USP48: variants seen among roughly 807,000 people sequenced by gnomAD.
The protein encoded by USP48 is ubiquitin specific peptidase 48, also known as ubiquitin carboxyl-terminal hydrolase 48.
USP48 carries 43 observed loss-of-function variants against 150.7 expected under a neutral mutation model. That is an observed-to-expected ratio of 0.29 (90% CI 0.22 to 0.37). The LOEUF (loss-of-function observed/expected upper bound fraction) is 0.37. Ranked by LOEUF, USP48 falls within the 10% of genes least tolerant of loss-of-function variation. The pLI is 1.00. For synonymous variants in USP48, 396 were observed against 425.9 expected, an observed-to-expected ratio of 0.93 and a Z score of 0.86; for missense variants, 813 against 1,249.6, an observed-to-expected ratio of 0.65 and a Z score of 5.27.
chr1:21,702,886 T>C (rs990255882), intron 21 of USP48, among the ~76,000 whole-genome samples: 2 of 152,236 alleles, frequency 1.3e-5, no homozygotes, highest in Non-Finnish European at 2.9e-5. Context: ...GCAGCACAGA[T>C]ACAGAACCTA....
intron 15 of USP48, among the ~76,000 whole-genome samples, chr1:21,708,690 T>G (rs2097680603): frequency 1.3e-5 from 2 of 151,592 alleles, no homozygotes; most frequent in Non-Finnish European, 2.9e-5. Flanking sequence ...AAGACCAGCT[T>G]GACCAAAATG....
Position 21,756,527 on chromosome 1 carries a change from C to A in USP48, c.412+19G>T. 2 of 1,571,578 alleles carry A rather than the reference C, an allele frequency of 1.3e-6. No individual in the cohort carries two copies. Among genetic ancestry groups the A allele is most frequent in the South Asian group, 1.2e-5 (1 of 83,904 alleles). On this transcript the variant is annotated intron_variant, in intron 3 of 26. Transcript: ENST00000308271. ...AAAATGTTCAGGAAGAGAGCTCTCC[C>A]CCACCCCTTTCCACCCACCTTTTTC...
At chr1:21,715,497 T>C (rs984438277) in intron 14 of USP48, 40 bp from the exon 15 acceptor site, 3 of 1,369,390 alleles carry the variant, frequency 2.2e-6, no homozygotes, top group Non-Finnish European at 3.1e-6. Flanking sequence ...CTGTGGTTAT[T>C]GTGTACTTAA....
chr1:21,714,052 G>C (rs115572196), intron 15 of USP48, among the ~76,000 whole-genome samples: 2,359 of 152,162 alleles, frequency 0.016, 26 homozygotes, highest in Middle Eastern at 0.031. Context: ...TATCATCAAG[G>C]GCACTTCATA....
intron 6 of USP48, among the ~76,000 whole-genome samples, chr1:21,748,676 C>T (rs2097801444): frequency 1.3e-5 from 2 of 152,186 alleles, no homozygotes; most frequent in African/African-American, 2.4e-5. Flanking sequence ...TTTGGGAGGC[C>T]GAGGTGGGTG....
rs568910359 is a variant in USP48, at chr1:21,734,951, T to C, written c.1171+1495A>G. ...CATACTAGGATACTATTTTAAGAAG[T>C]AGTCTTTATGGCAGACCTCACTACT... On this transcript the variant is annotated intron_variant, in intron 9 of 26. Coordinates refer to ENST00000308271, the MANE Select transcript of USP48 (RefSeq NM_032236.8). 2.6e-5 allele frequency among the ~76,000 whole-genome samples: 4 copies of C among 152,294 alleles called. No individual in the cohort carries two copies. The South Asian group carries it at 8.3e-4, about 32-fold the overall frequency.
At chr1:21,697,598 G>A (rs1349489975) in intron 22 of USP48, among the ~76,000 whole-genome samples, 1 of 150,726 alleles carries the variant, frequency 6.6e-6, no homozygotes, top group Non-Finnish European at 1.5e-5. Context: ...GGGAGGCAGA[G>A]CTTGCAGTGA....
intron 1 of USP48, among the ~76,000 whole-genome samples, chr1:21,765,901 C>CAAAAAAAAAAAAAAAAAAAAAAAAAAAA (rs199539331): frequency 8.9e-6 from 1 of 112,162 alleles, no homozygotes; most frequent in African/African-American, 4.1e-5. Flanking sequence ...ACTCCATCTC[C>CAAAAAAAAAAAAAAAAAAAAAAAAAAAA]AAAAAAAAAA....
chr1:21,782,799 G>A, intron 1 of USP48, 25 bp downstream of exon 1: 1 of 1,508,818 alleles, frequency 6.6e-7, no homozygotes, highest in Non-Finnish European at 8.9e-7. Context: ...CGAGGAGCCC[G>A]CGAGGCGCGG....
chr1:21,740,327 T>C (rs1170994815), intron 8 of USP48, among the ~76,000 whole-genome samples: 1 of 152,234 alleles, frequency 6.6e-6, no homozygotes, highest in East Asian at 1.9e-4. Context: ...AGTATTCCAT[T>C]GTGTATATAT....
chr1:21,722,198 G>C (rs1297851323), intron 12 of USP48, among the ~76,000 whole-genome samples: 3 of 151,680 alleles, frequency 2.0e-5, no homozygotes, highest in Non-Finnish European at 2.9e-5. Context: ...AGAAGTTTTA[G>C]GAATCATCTA....
chr1:21,727,012 A>C (rs2097739544), intron 11 of USP48, among the ~76,000 whole-genome samples: 1 of 152,308 alleles, frequency 6.6e-6, no homozygotes, highest in East Asian at 1.9e-4. Flanking sequence ...GGAAAGTTAT[A>C]AAGTCTAGAA....
intron 15 of USP48, among the ~76,000 whole-genome samples, chr1:21,713,261 C>T (rs770787452): frequency 6.6e-6 from 1 of 152,120 alleles, no homozygotes; most frequent in Non-Finnish European, 1.5e-5. Context: ...CATACGATCA[C>T]CACCCCTGGC....
chr1:21,684,801 G>A (rs1306875557), intron 25 of USP48, among the ~76,000 whole-genome samples: 2 of 152,164 alleles, frequency 1.3e-5, no homozygotes, highest in Admixed American at 1.3e-4. Context: ...TGAAGAGGGT[G>A]CCCTTTCCCC....
At chr1:21,778,567 G>C (rs1481773159) in intron 1 of USP48, among the ~76,000 whole-genome samples, 17 of 131,874 alleles carry the variant, frequency 1.3e-4, no homozygotes, top group Non-Finnish European at 2.5e-4. Context: ...AGGAGTTCAA[G>C]GACAGCCTAC....
intron 11 of USP48, among the ~76,000 whole-genome samples, chr1:21,727,029 C>T (rs1405556749): frequency 6.6e-6 from 1 of 151,242 alleles, no homozygotes; most frequent in Admixed American, 6.6e-5. Flanking sequence ...AGAACAATCA[C>T]AGCATCAAAA....
At chr1:21,759,222 A>G (rs2097844406) in intron 1 of USP48, among the ~76,000 whole-genome samples, 1 of 150,768 alleles carries the variant, frequency 6.6e-6, no homozygotes. Context: ...AACAAGGATG[A>G]CAGGAACCCT....
At chr1:21,755,824 A>C (rs1206402950) in intron 3 of USP48, among the ~76,000 whole-genome samples, 1 of 151,998 alleles carries the variant, frequency 6.6e-6, no homozygotes, top group Non-Finnish European at 1.5e-5. Flanking sequence ...TAAGGCCAGA[A>C]GTTCAAGACC....
rs772310217 is a variant in USP48, at chr1:21,703,555, G to C, written c.2579C>G (p.Thr860Ser). ...TTTATGGACATAGATGGTGGCTTGA[G>C]TGTATTCACGCAGGTCCCTCTGCTG... is the stretch of plus-strand genomic sequence containing the variant. Reference protein sequence around the residue: ...CQQQRDLREYTQATIYVHKVV... With the variant: ...CQQQRDLREYSQATIYVHKVV... Residue 860 changes from threonine (T) to serine (S), a missense_variant, in exon 21 of 27, where the codon ACT (threonine) becomes AGT (serine). Physicochemically the swap from Thr to Ser is moderately conservative, Grantham distance 58 (BLOSUM62 1). Coordinates refer to ENST00000308271, the MANE Select transcript of USP48 (RefSeq NM_032236.8). The C allele has an allele frequency of 2.7e-5, 44 of 1,612,618 alleles. No homozygotes were observed. The highest frequency in any genetic ancestry group is 3.5e-5 in the Non-Finnish European group (41 of 1,179,956).
Sources: gnomAD v4.1 joint callset for allele counts (sites outside exome capture counted in the v4.1 genomes callset) on GRCh38, gnomAD v4.1.1 for gene constraint, MANE v1.5 for transcripts, NCBI Gene and HGNC (gene_info 2026-07-23, HGNC 2026-07-21) for gene names.